The following NUGGC variants were observed in gnomAD, a reference collection of about 807,000 sequenced individuals.
NUGGC encodes nuclear GTPase, germinal center associated.
Under a neutral mutation model 92.6 loss-of-function variants are expected in NUGGC, and 58 were observed. That is an observed-to-expected ratio of 0.63 (90% confidence interval 0.51 to 0.78). NUGGC has a LOEUF of 0.78. Among genes scored for constraint, NUGGC ranks in the 30% least tolerant of loss-of-function variants. The pLI is 0.00. For missense variants in NUGGC, 925 were observed against 964.6 expected (o/e 0.96, Z 0.54); for synonymous variants, 376 against 366.4 (o/e 1.03, Z -0.30).
intron 17 of NUGGC, 25 bp from the exon 18 acceptor site, chr8:28,027,077 G>A: frequency 6.5e-7 from 1 of 1,549,406 alleles, no homozygotes. Flanking sequence ...CATTCAGTCT[G>A]TTAGGATGGT....
chr8:28,067,787 C>A, intron 5 of NUGGC, 43 bp from the exon 6 acceptor site: 1 of 1,477,852 alleles, frequency 6.8e-7, no homozygotes. Context: ...GACACAGACA[C>A]AGAGAACACC....
intron 7 of NUGGC, among the ~76,000 whole-genome samples, chr8:28,061,792 G>C (rs957526599): frequency 6.6e-6 from 1 of 152,118 alleles, no homozygotes; most frequent in African/African-American, 2.4e-5. Flanking sequence ...CAACCTTGGG[G>C]GGGTACTTGA....
chr8:28,051,609 C>T (rs1810002493), intron 10 of NUGGC, among the ~76,000 whole-genome samples: 1 of 152,132 alleles, frequency 6.6e-6, no homozygotes, highest in Non-Finnish European at 1.5e-5. Flanking sequence ...AATAAAAAGT[C>T]GTGTGACAGT....
At chr8:28,059,252 C>T (rs575925650) in intron 8 of NUGGC, among the ~76,000 whole-genome samples, 15 of 152,246 alleles carry the variant, frequency 9.9e-5, no homozygotes, top group Admixed American at 4.6e-4. Context: ...ATCCCGTGAG[C>T]ACACACCCCA....
At chr8:28,036,154 A>C (rs980339048) in intron 13 of NUGGC, among the ~76,000 whole-genome samples, 6 of 152,190 alleles carry the variant, frequency 3.9e-5, no homozygotes, top group Non-Finnish European at 7.4e-5. Flanking sequence ...GATTACAGGC[A>C]TGAGCCACTG....
chr8:28,030,837 A>G (rs996018990), intron 15 of NUGGC, among the ~76,000 whole-genome samples: 4 of 152,224 alleles, frequency 2.6e-5, no homozygotes, highest in South Asian at 2.1e-4. Flanking sequence ...TTGAACAACA[A>G]TAACAAAAAG....
At chr8:28,028,934 T>G (rs1219223089) in intron 17 of NUGGC, among the ~76,000 whole-genome samples, 2 of 152,192 alleles carry the variant, frequency 1.3e-5, no homozygotes, top group East Asian at 3.8e-4. Context: ...GCTGTGTGGC[T>G]GGTTGATACA....
intron 16 of NUGGC, 135 bp downstream of exon 16, chr8:28,030,175 T>C: frequency 3.2e-6 from 2 of 627,918 alleles, no homozygotes; most frequent in Non-Finnish European, 2.9e-6. Context: ...GTGGTTGCAA[T>C]GTGTGGACTG....
At chr8:28,064,457 T>C in intron 7 of NUGGC, 65 bp downstream of exon 7, 1 of 1,321,556 alleles carries the variant, frequency 7.6e-7, no homozygotes, top group Admixed American at 1.8e-5. Flanking sequence ...AGAGCATTCT[T>C]TGTTGCTTGA....
chr8:28,055,844 AAACT>A (rs1445192489), intron 10 of NUGGC, 117 bp downstream of exon 10: 3 of 595,794 alleles, frequency 5.0e-6, no homozygotes, highest in African/African-American at 3.8e-5. Flanking sequence ...AAAACAAAAG[AAACT>A]AACTGTCTAT....
In NUGGC at chr8:28,023,332, G is replaced by T; in HGVS notation, c.2376C>A (p.Pro792=). Residue 792 remains proline, a synonymous_variant, in exon 19 of 19, where the codon CCC becomes CCA. Coordinates refer to ENST00000413272, the MANE Select transcript of NUGGC (RefSeq NM_001010906.2). The part of the protein sequence containing the change: ...LRASPSKAGP[P]GTSL The stretch of plus-strand genomic sequence containing the variant: ...GCCCCAGGAGTTACAGTGATGTCCC[G>T]GGGGGGCCAGCCTTGCTGGGGGATG... 6.2e-7 allele frequency: 1 copy of T among 1,601,542 alleles called. No homozygotes were observed. The highest frequency in any genetic ancestry group is 8.5e-7 in the Non-Finnish European group (1 of 1,170,388).
At chr8:28,040,011 C>T (rs766430288) in intron 13 of NUGGC, among the ~76,000 whole-genome samples, 9 of 152,114 alleles carry the variant, frequency 5.9e-5, no homozygotes, top group Admixed American at 4.6e-4. Context: ...GAAGAGGCCA[C>T]GTGAGGATGC....
rs1809689075 is a variant in NUGGC at position 28,041,176 on chromosome 8, C to T, written c.1486G>A (p.Glu496Lys). ...TTCTCCAGCAGCTCAACCTTCTCTT[C>T]CGCAAATCTCCGCAGGACACTCATG... ...LHMSVLRRFA[E>K]EKVELLEKAI... is the part of the protein sequence containing the mutation. Residue 496 changes from glutamate to lysine, a missense_variant, in exon 13 of 19, where the codon GAA becomes AAA. By Grantham distance (56) the Glu-to-Lys change is moderately conservative. Transcript: ENST00000413272. The T allele has an allele frequency of 6.2e-7, 1 of 1,611,086 alleles. No individual in the cohort carries two copies.
intron 3 of NUGGC, chr8:28,069,965 G>A: frequency 3.0e-6 from 1 of 329,882 alleles, no homozygotes; most frequent in Non-Finnish European, 4.3e-6. Context: ...AAGAAAAAAT[G>A]CAAGGACACC....
In NUGGC at chr8:28,060,458, C is replaced by T. The variant is rs1206118244; in HGVS notation, c.1065G>A (p.Lys355=). 6.2e-7 allele frequency: 1 copy of T among 1,613,874 alleles called. No individual in the cohort carries two copies. Among genetic ancestry groups the T allele is most frequent in the Non-Finnish European group, 8.5e-7 (1 of 1,179,822 alleles). ...FCRDVALVVT[K]MDKLHLPEYL... Reference sequence around the variant, plus strand: ...ATTCTGGCAAGTGGAGTTTGTCCATCTTGGTGACCACCAGGGCCACGTCCC... The same window carrying T: ...ATTCTGGCAAGTGGAGTTTGTCCATTTTGGTGACCACCAGGGCCACGTCCC... The change falls in exon 8 of 19, where the codon AAG becomes AAA. Residue 355 remains lysine, a synonymous_variant. Transcript: ENST00000413272.
chr8:28,073,072 G>A (rs1377478083), intron 2 of NUGGC, among the ~76,000 whole-genome samples: 5 of 151,370 alleles, frequency 3.3e-5, no homozygotes, highest in Non-Finnish European at 7.4e-5. Flanking sequence ...GCTGGGTCAC[G>A]GCTCACTGCA....
At position 28,033,492 on chromosome 8, in the gene NUGGC, A is replaced by C. The variant is rs185531456; in HGVS notation, c.1769+48T>G. ...CTAAATTCTTAAAGACTGGCTCCAC[A>C]TTCTTCCGATGTTTGTTCCCGAAGG... On this transcript the variant is annotated intron_variant, in intron 14 of 18. Coordinates refer to ENST00000413272, the MANE Select transcript of NUGGC (RefSeq NM_001010906.2). 8.6e-4 allele frequency: 1,356 copies of C among 1,571,712 alleles called. 2 individuals carry two copies. The highest frequency in any genetic ancestry group is 3.0e-3 in the Middle Eastern group (18 of 5,934).
In NUGGC at chr8:28,045,511, C is replaced by T. The variant is rs144235165; in HGVS notation, c.1446+16G>A. On this transcript the variant is annotated intron_variant, in intron 12 of 18. Coordinates refer to ENST00000413272, the MANE Select transcript of NUGGC (RefSeq NM_001010906.2). Reference sequence around the variant, plus strand: ...CCAGGAAGGGGGAGAATATGAAAACCCAGTGTCTTCCATACCGGCAGGTTT... The same window carrying T: ...CCAGGAAGGGGGAGAATATGAAAACTCAGTGTCTTCCATACCGGCAGGTTT... 192 of 1,607,680 alleles carry T rather than the reference C, an allele frequency of 1.2e-4. 1 individual carries two copies. The East Asian group carries it at 3.0e-3, about 25-fold the overall frequency.
At chr8:28,081,024 T>C (rs555424476) in intron 1 of NUGGC, among the ~76,000 whole-genome samples, 2 of 152,144 alleles carry the variant, frequency 1.3e-5, no homozygotes, top group East Asian at 3.9e-4. Context: ...AATACCTGTA[T>C]CAAGAATTCA....
Sources: gnomAD v4.1 joint callset for allele counts (sites outside exome capture counted in the v4.1 genomes callset) on GRCh38, gnomAD v4.1.1 for gene constraint, MANE v1.5 for transcripts, NCBI Gene and HGNC (gene_info 2026-07-23, HGNC 2026-07-21) for gene names.